The following MYRIP variants were observed in gnomAD, a reference collection of about 807,000 sequenced individuals.
The protein encoded by MYRIP is myosin VIIA and Rab interacting protein, also known as rab effector MyRIP.
In MYRIP, 49 loss-of-function variants were observed where a neutral mutation model predicts 98.0. The observed-to-expected ratio is 0.50, with a 90% confidence interval of 0.40 to 0.63. The LOEUF (loss-of-function observed/expected upper bound fraction) is 0.63, where lower values mean the gene tolerates loss of function less well. Ranked by LOEUF, MYRIP falls within the 30% of genes least tolerant of loss-of-function variation. MYRIP has a pLI of 0.00. For synonymous variants in MYRIP, 404 were observed against 409.5 expected (o/e 0.99, Z 0.16); for missense variants, 1,004 against 1,058.2 (o/e 0.95, Z 0.71).
chr3:40,130,615 C>T (rs1006423217), intron 3 of MYRIP, among the ~76,000 whole-genome samples: 5 of 151,694 alleles, frequency 3.3e-5, no homozygotes, highest in African/African-American at 9.7e-5. Flanking sequence ...CTCCTGACCT[C>T]GTGATCCGCC....
intron 2 of MYRIP, among the ~76,000 whole-genome samples, chr3:39,992,815 C>T (rs995887185): frequency 6.6e-6 from 1 of 152,172 alleles, no homozygotes; most frequent in Admixed American, 6.5e-5. Flanking sequence ...AAATTCTTGA[C>T]CTTAGGCACT....
intron 2 of MYRIP, among the ~76,000 whole-genome samples, chr3:40,021,493 G>A (rs1468032572): frequency 6.6e-6 from 1 of 152,194 alleles, no homozygotes; most frequent in African/African-American, 2.4e-5. Context: ...GATCCTCTGA[G>A]CCTGTGTTCA....
chr3:39,862,571 G>A (rs957543036), intron 1 of MYRIP, among the ~76,000 whole-genome samples: 1 of 152,192 alleles, frequency 6.6e-6, no homozygotes, highest in East Asian at 1.9e-4. Flanking sequence ...AATGATAAAG[G>A]GCTCCATTCA....
chr3:40,181,763 TTTCC>T (rs1334732635), intron 8 of MYRIP, among the ~76,000 whole-genome samples: 2 of 152,198 alleles, frequency 1.3e-5, no homozygotes, highest in African/African-American at 4.8e-5. Context: ...TAGAGTTTGT[TTTCC>T]TTCCTTTAAT....
At chr3:40,096,811 C>A (rs1948842781) in intron 3 of MYRIP, among the ~76,000 whole-genome samples, 1 of 152,212 alleles carries the variant, frequency 6.6e-6, no homozygotes, top group South Asian at 2.1e-4. Flanking sequence ...ATAATGAAAA[C>A]TTTCTTCACC....
intron 16 of MYRIP, among the ~76,000 whole-genome samples, chr3:40,255,997 T>G (rs1188368939): frequency 6.6e-6 from 1 of 152,238 alleles, no homozygotes; most frequent in African/African-American, 2.4e-5. Context: ...TGCTGTCTAA[T>G]AGAACTTTGT....
intron 11 of MYRIP, among the ~76,000 whole-genome samples, chr3:40,219,238 T>C (rs1468785302): frequency 6.6e-6 from 1 of 152,212 alleles, no homozygotes; most frequent in African/African-American, 2.4e-5. Context: ...AAATTATAGA[T>C]GAATATTTTA....
intron 1 of MYRIP, among the ~76,000 whole-genome samples, chr3:39,885,756 A>G (rs539463062): frequency 4.6e-5 from 7 of 151,974 alleles, no homozygotes; most frequent in African/African-American, 7.2e-5. Context: ...TTGATCTTCC[A>G]TCACTGATAC....
At chr3:40,216,654 A>C (rs1559459215) in intron 11 of MYRIP, among the ~76,000 whole-genome samples, 1 of 152,300 alleles carries the variant, frequency 6.6e-6, no homozygotes, top group East Asian at 1.9e-4. Context: ...TTAAAAGCAC[A>C]TCATAATCTC....
At chr3:39,887,848 A>G (rs934859046) in intron 1 of MYRIP, among the ~76,000 whole-genome samples, 7 of 152,188 alleles carry the variant, frequency 4.6e-5, no homozygotes, top group East Asian at 1.9e-4. Flanking sequence ...TACAAAATCA[A>G]TGTACAAAAA....
At chr3:39,909,703 T>C (rs1943970578) in intron 2 of MYRIP, among the ~76,000 whole-genome samples, 1 of 151,992 alleles carries the variant, frequency 6.6e-6, no homozygotes, top group Non-Finnish European at 1.5e-5. Context: ...GGTAAAGTAA[T>C]ATGGATAGAA....
intron 2 of MYRIP, among the ~76,000 whole-genome samples, chr3:39,942,343 T>G (rs998846175): frequency 2.0e-5 from 3 of 152,128 alleles, no homozygotes; most frequent in African/African-American, 7.2e-5. Flanking sequence ...ATAAAAATGT[T>G]GTATGAACCT....
At chr3:40,004,374 G>A (rs191803354) in intron 2 of MYRIP, among the ~76,000 whole-genome samples, 97 of 152,332 alleles carry the variant, frequency 6.4e-4, no homozygotes, top group Non-Finnish European at 1.1e-3. Context: ...TAGGGGGACA[G>A]TGATCAGGTG....
chr3:40,045,558 A>G (rs751346169), intron 3 of MYRIP, among the ~76,000 whole-genome samples: 48 of 152,180 alleles, frequency 3.2e-4, no homozygotes, highest in Non-Finnish European at 6.3e-4. Flanking sequence ...TTCTCAGTCA[A>G]GGTGGGGTAA....
chr3:40,211,305 T>C (rs1951921447), intron 11 of MYRIP, among the ~76,000 whole-genome samples: 2 of 152,178 alleles, frequency 1.3e-5, no homozygotes, highest in Non-Finnish European at 2.9e-5. Flanking sequence ...TTGCTGGTAA[T>C]GCACATGCAT....
At chr3:39,954,928 T>C (rs993889946) in intron 2 of MYRIP, among the ~76,000 whole-genome samples, 3 of 151,980 alleles carry the variant, frequency 2.0e-5, no homozygotes, top group Non-Finnish European at 4.4e-5. Context: ...GTATCAGTGA[T>C]TGAAGATCAA....
intron 1 of MYRIP, among the ~76,000 whole-genome samples, chr3:39,867,608 AC>A (rs1171874835): frequency 3.3e-4 from 51 of 152,296 alleles, no homozygotes; most frequent in African/African-American, 1.2e-3. Context: ...ATATCTTGTC[AC>A]CCCTATTAGG....
chr3:39,809,107 G>C (rs1278696568), upstream of MYRIP: 1 of 152,274 alleles, frequency 6.6e-6, no homozygotes, highest in Non-Finnish European at 1.5e-5. Flanking sequence ...CTGTGAAGTG[G>C]GGAAGAGCTG....
chr3:40,115,228 T>C (rs1457038778), intron 3 of MYRIP, among the ~76,000 whole-genome samples: 6 of 152,336 alleles, frequency 3.9e-5, no homozygotes, highest in Non-Finnish European at 7.3e-5. Context: ...ATATATTACA[T>C]TATTAGTTTA....
Sources: allele counts gnomAD v4.1 joint callset (sites outside exome capture counted in the v4.1 genomes callset), GRCh38; gene constraint gnomAD v4.1.1; transcripts MANE v1.5; gene names NCBI Gene and HGNC (gene_info 2026-07-23, HGNC 2026-07-21).